Variants in CSMD3 observed in about 807,000 individuals in gnomAD.
CSMD3 encodes the protein CUB and sushi domain-containing protein 3.
Under a neutral mutation model 435.2 loss-of-function variants are expected in CSMD3, and 177 were observed. That is an observed-to-expected ratio of 0.41 (90% confidence interval 0.36 to 0.46). The LOEUF (loss-of-function observed/expected upper bound fraction) is 0.46. Among genes scored for constraint, CSMD3 ranks in the 20% least tolerant of loss-of-function variants. The pLI is 0.34. For synonymous variants in CSMD3, 1,656 were observed against 1,520.5 expected (o/e 1.09, Z -2.07); for missense variants, 4,265 against 4,504.6 (o/e 0.95, Z 1.52).
At chr8:112,889,645 GCAAATTTGAAC>G (rs2081722469) in intron 10 of CSMD3, among the ~76,000 whole-genome samples, 1 of 151,578 alleles carries the variant, frequency 6.6e-6, no homozygotes, top group Non-Finnish European at 1.5e-5. Context: ...TTAAGAGCAG[GCAAATTTGAAC>G]TTGGGCGGCG....
intron 32 of CSMD3, among the ~76,000 whole-genome samples, chr8:112,466,001 T>C (rs758469035): frequency 6.6e-6 from 1 of 150,418 alleles, no homozygotes; most frequent in African/African-American, 2.5e-5. Flanking sequence ...AGTTCCCTGT[T>C]CTTTTCGATT....
At chr8:112,625,050 A>G (rs1216773601) in intron 22 of CSMD3, among the ~76,000 whole-genome samples, 1 of 152,094 alleles carries the variant, frequency 6.6e-6, no homozygotes, top group African/African-American at 2.4e-5. Flanking sequence ...AAAAAAAAAG[A>G]AAAGAAAACA....
At position 112,337,623 on chromosome 8, in the gene CSMD3, T is replaced by C. The variant is rs2130965823; in HGVS notation, c.6761A>G (p.Tyr2254Cys). The change falls in exon 43 of 71, where the codon TAC (tyrosine) becomes TGC (cysteine). Residue 2254 changes from tyrosine to cysteine, a missense_variant. By Grantham distance (194) the Tyr-to-Cys change is radical (BLOSUM62 -2). Transcript: ENST00000297405. The part of the protein sequence containing the change: ...QTISFECFPG[Y>C]TLIGNSALTC... ...GAGAGCTGAATTTCCAATTAATGTG[T>C]ATCCTGGGAAACATTCAAATGAAAT... 1 of 1,613,644 alleles carries C rather than the reference T, an allele frequency of 6.2e-7. No homozygotes were observed. The highest frequency in any genetic ancestry group is 8.5e-7 in the Non-Finnish European group (1 of 1,179,564).
At chr8:112,750,343 A>T (rs1357072873) in intron 13 of CSMD3, among the ~76,000 whole-genome samples, 1 of 151,764 alleles carries the variant, frequency 6.6e-6, no homozygotes, top group Non-Finnish European at 1.5e-5. Flanking sequence ...TAATAATTTT[A>T]TTAAATATCA....
intron 10 of CSMD3, among the ~76,000 whole-genome samples, chr8:112,918,073 T>C (rs1183796852): frequency 6.6e-6 from 1 of 151,948 alleles, no homozygotes; most frequent in African/African-American, 2.4e-5. Context: ...GTCTATTATA[T>C]ATTATCTAGT....
At chr8:113,185,358 T>C (rs1406937304) in intron 3 of CSMD3, among the ~76,000 whole-genome samples, 1 of 151,960 alleles carries the variant, frequency 6.6e-6, no homozygotes, top group Non-Finnish European at 1.5e-5. Context: ...AGAAGCATAA[T>C]CGTATAATCA....
intron 12 of CSMD3, among the ~76,000 whole-genome samples, chr8:112,813,549 G>C (rs2132398944): frequency 6.6e-6 from 1 of 152,226 alleles, no homozygotes; most frequent in East Asian, 1.9e-4. Flanking sequence ...TTTGCGGGAG[G>C]GGGAAGGGAG....
At chr8:112,605,629 A>G (rs1832730516) in intron 22 of CSMD3, among the ~76,000 whole-genome samples, 2 of 134,400 alleles carry the variant, frequency 1.5e-5, no homozygotes, top group African/African-American at 5.5e-5. Flanking sequence ...GAAGGGTGGG[A>G]GGGCAGAGGG....
chr8:113,285,659 G>A (rs2093641924), intron 2 of CSMD3, among the ~76,000 whole-genome samples: 1 of 151,910 alleles, frequency 6.6e-6, no homozygotes, highest in Admixed American at 6.6e-5. Flanking sequence ...TATATGAGAC[G>A]AACATCCTGG....
intron 13 of CSMD3, among the ~76,000 whole-genome samples, chr8:112,794,605 A>C (rs920406620): frequency 4.0e-5 from 6 of 151,846 alleles, no homozygotes; most frequent in Admixed American, 6.6e-5. Flanking sequence ...TGGACTGATA[A>C]CCTTTCAAAG....
intron 16 of CSMD3, among the ~76,000 whole-genome samples, chr8:112,671,530 A>G (rs2075655777): frequency 6.6e-6 from 1 of 152,076 alleles, no homozygotes; most frequent in Non-Finnish European, 1.5e-5. Context: ...AAAGGAGTTG[A>G]GTTCAATTTT....
intron 5 of CSMD3, among the ~76,000 whole-genome samples, chr8:113,031,000 A>C (rs1334889246): frequency 6.6e-6 from 1 of 151,624 alleles, no homozygotes; most frequent in African/African-American, 2.4e-5. Context: ...GACTATGCCA[A>C]ATGTGAGGAT....
Position 112,281,248 on chromosome 8 carries a change from T to C in CSMD3, c.9434A>G (p.Tyr3145Cys), listed in dbSNP as rs2130578812. 1 of 1,613,340 alleles carries C rather than the reference T, an allele frequency of 6.2e-7. No homozygotes were observed. The stretch of plus-strand genomic sequence containing the variant: ...TCTAACTGAAGGTCCAGAAAGGATG[T>C]ATCCCTCCATGCAGGAATAAATGAC... Reference protein sequence around the residue: ...SSVIYSCMEGYILSGPSVRQC... With the variant: ...SSVIYSCMEGCILSGPSVRQC... Residue 3145 changes from tyrosine to cysteine, a missense_variant, in exon 59 of 71, where the codon TAC (tyrosine) becomes TGC (cysteine). Tyr to Cys is a radical substitution (Grantham distance 194). This residue lies in a region of CSMD3 where 3,255 missense variants were observed against 3,380.2 expected (regional missense o/e 0.96). Transcript: ENST00000297405.
chr8:113,175,546 A>C (rs2092335155), intron 3 of CSMD3, among the ~76,000 whole-genome samples: 1 of 151,930 alleles, frequency 6.6e-6, no homozygotes, highest in African/African-American at 2.4e-5. Context: ...GCTATATGTG[A>C]ATTTTCAGTA....
intron 13 of CSMD3, among the ~76,000 whole-genome samples, chr8:112,707,080 C>T (rs933699545): frequency 7.2e-5 from 11 of 151,944 alleles, no homozygotes; most frequent in African/African-American, 2.4e-4. Flanking sequence ...ATTTTTTGAA[C>T]TATAATAGCA....
At chr8:112,650,024 A>C in intron 19 of CSMD3, 137 bp downstream of exon 19, 1 of 671,906 alleles carries the variant, frequency 1.5e-6, no homozygotes, top group Non-Finnish European at 2.6e-6. Context: ...ATGGTTTGAT[A>C]ACATAAATTT....
chr8:112,710,796 T>C (rs1298362586), intron 13 of CSMD3, among the ~76,000 whole-genome samples: 3 of 150,948 alleles, frequency 2.0e-5, no homozygotes, highest in Non-Finnish European at 4.4e-5. Context: ...GTATACTAGA[T>C]AAGCATAAGT....
chr8:112,772,431 C>G (rs1158788484), intron 13 of CSMD3, among the ~76,000 whole-genome samples: 1 of 152,092 alleles, frequency 6.6e-6, no homozygotes, highest in South Asian at 2.1e-4. Context: ...GTCATCACCA[C>G]TCCCTAATCT....
At position 112,224,735 on chromosome 8, in the gene CSMD3, A is replaced by T. The variant is rs1812415077; in HGVS notation, c.*36T>A. 3 of 1,612,030 alleles carry T rather than the reference A, an allele frequency of 1.9e-6. No homozygotes were observed. Among genetic ancestry groups the T allele is most frequent in the East Asian group, 2.2e-5 (1 of 44,854 alleles). On this transcript the variant is annotated 3_prime_UTR_variant, in exon 71 of 71. Transcript: ENST00000297405. ...TAAATGTGCACTGTTTTGTGTGTCG[A>T]TTTCCAAGCTTCTGAAGAAGGCAAA...
Sources: allele counts gnomAD v4.1 joint callset (sites outside exome capture counted in the v4.1 genomes callset), GRCh38; gene constraint gnomAD v4.1.1; regional missense constraint gnomAD v4.1.1; transcripts MANE v1.5; gene names NCBI Gene and HGNC (gene_info 2026-07-23, HGNC 2026-07-21).